EBF1: variants seen among roughly 807,000 people sequenced by gnomAD.
EBF1 encodes the protein transcription factor COE1.
EBF1 carries 10 observed loss-of-function variants against 68.4 expected under a neutral mutation model. The observed-to-expected ratio is 0.15, with a 90% CI of 0.09 to 0.25. The LOEUF is 0.25. Among genes scored for constraint, EBF1 ranks in the 10% least tolerant of loss-of-function variants. The probability of loss-of-function intolerance (pLI) is 1.00; values close to 1 mark genes in which losing one functional copy is unlikely to be tolerated. For synonymous variants in EBF1, 298 were observed against 299.8 expected, an observed-to-expected ratio of 0.99 and a Z score of 0.06; for missense variants, 509 against 794.4, an observed-to-expected ratio of 0.64 and a Z score of 4.32.
chr5:159,099,281 G>T, intron 1 of EBF1, 64 bp downstream of exon 1: 1 of 1,317,746 alleles, frequency 7.6e-7, no homozygotes, highest in Non-Finnish European at 9.8e-7. Flanking sequence ...TGCCGCTGCC[G>T]CCTCCGCCTC....
At chr5:158,931,248 G>A (rs1307754441) in intron 6 of EBF1, among the ~76,000 whole-genome samples, 1 of 152,102 alleles carries the variant, frequency 6.6e-6, no homozygotes, top group Admixed American at 6.5e-5. Context: ...TTTTCCTATA[G>A]CGGTGTTGCT....
chr5:159,011,345 A>G (rs1241582368), intron 6 of EBF1, among the ~76,000 whole-genome samples: 1 of 152,204 alleles, frequency 6.6e-6, no homozygotes, highest in Non-Finnish European at 1.5e-5. Flanking sequence ...TCTGCTGTGC[A>G]GGTCCCACGC....
At chr5:158,806,435 C>T (rs1781610264) in intron 8 of EBF1, among the ~76,000 whole-genome samples, 1 of 152,080 alleles carries the variant, frequency 6.6e-6, no homozygotes. Context: ...AGGATCCCTC[C>T]AGCAGTCTAG....
At chr5:158,945,852 T>G (rs943699922) in intron 6 of EBF1, among the ~76,000 whole-genome samples, 3 of 152,060 alleles carry the variant, frequency 2.0e-5, no homozygotes, top group Non-Finnish European at 4.4e-5. Flanking sequence ...TCACATAGTC[T>G]CATATTTCTT....
At chr5:158,726,015 A>G (rs1268734835) in intron 11 of EBF1, among the ~76,000 whole-genome samples, 1 of 152,200 alleles carries the variant, frequency 6.6e-6, no homozygotes, top group Non-Finnish European at 1.5e-5. Context: ...GTGCAGGAAA[A>G]TTTAAGCACT....
chr5:159,013,455 A>G (rs1583936817), intron 6 of EBF1, among the ~76,000 whole-genome samples: 1 of 152,308 alleles, frequency 6.6e-6, no homozygotes, highest in South Asian at 2.1e-4. Context: ...GCTTTCCTGG[A>G]AATAGCATCT....
At chr5:158,979,581 G>A (rs2127582125) in intron 6 of EBF1, among the ~76,000 whole-genome samples, 1 of 152,074 alleles carries the variant, frequency 6.6e-6, no homozygotes, top group African/African-American at 2.4e-5. Context: ...CACTTTATCA[G>A]ATTAGACTGG....
At chr5:158,865,165 GA>G (rs752596091) in intron 6 of EBF1, among the ~76,000 whole-genome samples, 16 of 152,122 alleles carry the variant, frequency 1.1e-4, no homozygotes, top group Admixed American at 2.6e-4. Context: ...ACCCCTTCAA[GA>G]TAGGATTCAC....
At chr5:158,831,454 G>A (rs1009752591) in intron 7 of EBF1, among the ~76,000 whole-genome samples, 31 of 152,042 alleles carry the variant, frequency 2.0e-4, no homozygotes, top group African/African-American at 7.5e-4. Flanking sequence ...GAACAAAACC[G>A]ATAAAGCATT....
intron 6 of EBF1, among the ~76,000 whole-genome samples, chr5:158,985,373 C>A (rs996244393): frequency 6.6e-6 from 1 of 152,156 alleles, no homozygotes; most frequent in African/African-American, 2.4e-5. Context: ...ACTACAATCA[C>A]CTGAGGAACT....
At chr5:158,733,985 G>A (rs1022295899) in intron 10 of EBF1, among the ~76,000 whole-genome samples, 22 of 152,300 alleles carry the variant, frequency 1.4e-4, no homozygotes, top group African/African-American at 5.3e-4. Flanking sequence ...TCTGGGAAGT[G>A]GGGGATGGTT....
chr5:158,824,736 C>T lies in EBF1; in HGVS notation c.637-1419G>A, dbSNP rs1013729311. Among the ~76,000 whole-genome samples the T allele has an allele frequency of 5.3e-5, 8 of 152,216 alleles. No homozygotes were observed. The South Asian group carries it at 6.2e-4, about 12-fold the overall frequency. The stretch of plus-strand genomic sequence containing the variant: ...CAGCTAAGCTGGGCAGAGGGGAAAA[C>T]GCCAGGCCCTGGCCTATGCCTGTGA... On this transcript the variant is annotated intron_variant, in intron 7 of 15. Transcript: ENST00000313708.
chr5:158,962,737 G>T (rs1307261202), intron 6 of EBF1, among the ~76,000 whole-genome samples: 2 of 152,188 alleles, frequency 1.3e-5, no homozygotes, highest in Non-Finnish European at 2.9e-5. Context: ...TGAGAGCAAG[G>T]TATAAATCTC....
intron 9 of EBF1, among the ~76,000 whole-genome samples, chr5:158,783,702 G>A (rs533081712): frequency 4.6e-5 from 7 of 152,332 alleles, no homozygotes; most frequent in African/African-American, 1.7e-4. Context: ...GCCCACTGTG[G>A]CCTCTGGGTA....
At chr5:158,781,878 T>C (rs1241344415) in intron 9 of EBF1, among the ~76,000 whole-genome samples, 1 of 152,144 alleles carries the variant, frequency 6.6e-6, no homozygotes, top group African/African-American at 2.4e-5. Flanking sequence ...TACAATCTCA[T>C]CATATTATGC....
At chr5:158,802,346 A>G (rs927773594) in intron 8 of EBF1, among the ~76,000 whole-genome samples, 1 of 152,198 alleles carries the variant, frequency 6.6e-6, no homozygotes, top group African/African-American at 2.4e-5. Flanking sequence ...ACACTGGAGA[A>G]ACAACACTCT....
chr5:158,999,357 A>G (rs76580147), intron 6 of EBF1, among the ~76,000 whole-genome samples: 102 of 152,350 alleles, frequency 6.7e-4, no homozygotes, highest in Non-Finnish European at 1.0e-3. Flanking sequence ...TTTAAGACAA[A>G]CTACTTTCGA....
chr5:158,854,292 G>T (rs541188188), intron 6 of EBF1, among the ~76,000 whole-genome samples: 4 of 152,328 alleles, frequency 2.6e-5, no homozygotes, highest in Non-Finnish European at 5.9e-5. Context: ...CACTAAATGG[G>T]ACTCCTCTCA....
chr5:158,733,725 G>A (rs189979203), intron 10 of EBF1, among the ~76,000 whole-genome samples: 2 of 152,118 alleles, frequency 1.3e-5, no homozygotes, highest in African/African-American at 4.8e-5. Context: ...TTTGCTGTCT[G>A]TTCATAGCTT....
Sources: allele counts gnomAD v4.1 joint callset (sites outside exome capture counted in the v4.1 genomes callset), GRCh38; gene constraint gnomAD v4.1.1; transcripts MANE v1.5; gene names NCBI Gene and HGNC (gene_info 2026-07-23, HGNC 2026-07-21).